Variants in RFPL1 observed in about 807,000 individuals in gnomAD.
RFPL1 encodes the protein ret finger protein like 1, also known as ret finger protein-like 1.
In RFPL1, 6 loss-of-function variants were observed where a neutral mutation model predicts 9.6. The ratio of observed to expected loss-of-function variants is 0.62; its 90% CI spans 0.34 to 1.23. The LOEUF is 1.23. RFPL1 is among the 50% of genes most tolerant of loss of function. The pLI is 0.03. For synonymous variants in RFPL1, 145 were observed against 149.4 expected, an observed-to-expected ratio of 0.97 and a Z score of 0.22; for missense variants, 352 against 398.4, an observed-to-expected ratio of 0.88 and a Z score of 0.99.
At chr22:29,405,059 A>C in the RFPL1 span, among the ~76,000 whole-genome samples, 4 of 152,232 alleles carry the variant, frequency 2.6e-5, no homozygotes, top group Non-Finnish European at 5.9e-5. Context: ...CTGAAAAATG[A>C]AGTTAAATGC....
the RFPL1 span, among the ~76,000 whole-genome samples, chr22:29,408,003 A>C: frequency 6.6e-6 from 1 of 152,246 alleles, no homozygotes; most frequent in African/African-American, 2.4e-5. Flanking sequence ...CATTATTGAC[A>C]CAGCATCCTG....
chr22:29,407,657 C>T, the RFPL1 span, among the ~76,000 whole-genome samples: 5 of 151,946 alleles, frequency 3.3e-5, no homozygotes, highest in Admixed American at 3.3e-4. Flanking sequence ...TAACAGTTAG[C>T]CCATTTCATC....
At chr22:29,409,084 C>A in the RFPL1 span, among the ~76,000 whole-genome samples, 1 of 151,628 alleles carries the variant, frequency 6.6e-6, no homozygotes, top group Non-Finnish European at 1.5e-5. Context: ...TTTTAAACAG[C>A]TTTATTTAGA....
chr22:29,403,185 A>T, the RFPL1 span, among the ~76,000 whole-genome samples: 53,201 of 151,520 alleles, frequency 0.35, 11,020 homozygotes, highest in East Asian at 0.56. Flanking sequence ...ATTTGTTTTT[A>T]AAAATAAATT....
chr22:29,414,074 CT>C, the RFPL1 span, among the ~76,000 whole-genome samples: 5 of 152,136 alleles, frequency 3.3e-5, no homozygotes, highest in Non-Finnish European at 5.9e-5. Context: ...GCATAAATTT[CT>C]TTTTCTAACA....
chr22:29,430,714 C>G, the RFPL1 span, among the ~76,000 whole-genome samples: 1 of 152,096 alleles, frequency 6.6e-6, no homozygotes, highest in Non-Finnish European at 1.5e-5. Flanking sequence ...TTTCTTTGAT[C>G]AAAACATGAG....
chr22:29,421,300 A>C, the RFPL1 span, among the ~76,000 whole-genome samples: 2 of 152,172 alleles, frequency 1.3e-5, no homozygotes, highest in Non-Finnish European at 2.9e-5. Context: ...AAATAAAAAA[A>C]TTAGCTCGGC....
chr22:29,425,272 C>T, the RFPL1 span, among the ~76,000 whole-genome samples: 3 of 152,188 alleles, frequency 2.0e-5, no homozygotes, highest in Admixed American at 1.3e-4. Context: ...TGGAGAACAC[C>T]CACTTCACTT....
the RFPL1 span, among the ~76,000 whole-genome samples, chr22:29,427,347 G>T: frequency 6.6e-6 from 1 of 152,218 alleles, no homozygotes; most frequent in Non-Finnish European, 1.5e-5. Flanking sequence ...AGAAAGTAGG[G>T]CCTGGTGAGA....
At chr22:29,403,383 G>A in the RFPL1 span, among the ~76,000 whole-genome samples, 6 of 152,280 alleles carry the variant, frequency 3.9e-5, no homozygotes, top group South Asian at 1.2e-3. Context: ...CATTGACAAA[G>A]AATATGGACT....
the RFPL1 span, among the ~76,000 whole-genome samples, chr22:29,425,748 C>G: frequency 3.3e-5 from 5 of 152,080 alleles, no homozygotes; most frequent in Non-Finnish European, 2.9e-5. Flanking sequence ...GGGTGGATCA[C>G]CTGAGATGGT....
chr22:29,412,374 T>C, the RFPL1 span, among the ~76,000 whole-genome samples: 1 of 152,128 alleles, frequency 6.6e-6, no homozygotes, highest in Admixed American at 6.6e-5. Flanking sequence ...CCCCAGTTCT[T>C]GGCCAGGGCA....
chr22:29,427,862 G>A, the RFPL1 span, among the ~76,000 whole-genome samples: 1 of 152,156 alleles, frequency 6.6e-6, no homozygotes, highest in East Asian at 1.9e-4. Context: ...GCAGGTACTT[G>A]CCATGAATCC....
chr22:29,395,661 C>T, the RFPL1 span, among the ~76,000 whole-genome samples: 506 of 152,278 alleles, frequency 3.3e-3, 3 homozygotes, highest in African/African-American at 0.011. Flanking sequence ...AACTACCCTC[C>T]GCCGATGCAT....
At chr22:29,399,435 A>G in the RFPL1 span, among the ~76,000 whole-genome samples, 1 of 152,334 alleles carries the variant, frequency 6.6e-6, no homozygotes, top group African/African-American at 2.4e-5. Context: ...TCAAGTCCAT[A>G]AGAATCATCC....
the RFPL1 span, among the ~76,000 whole-genome samples, chr22:29,421,761 C>A: frequency 6.6e-6 from 1 of 151,130 alleles, no homozygotes; most frequent in Non-Finnish European, 1.5e-5. Context: ...CCCCATCGAT[C>A]TGGCCAGCTC....
chr22:29,429,145 T>TCCAGGCTCAAGCAATCCTCCCACC, the RFPL1 span, among the ~76,000 whole-genome samples: 2 of 152,116 alleles, frequency 1.3e-5, no homozygotes, highest in African/African-American at 4.8e-5. Context: ...AGCCTTGGAC[T>TCCAGGCTCAAGCAATCCTCCCACC]CCAGGCTCAA....
At chr22:29,394,854 T>C in the RFPL1 span, among the ~76,000 whole-genome samples, 1 of 152,206 alleles carries the variant, frequency 6.6e-6, no homozygotes, top group Middle Eastern at 3.2e-3. Context: ...GCAATGGGCC[T>C]AGCGGAGAGT....
chr22:29,422,830 C>CAG, the RFPL1 span, among the ~76,000 whole-genome samples: 1 of 115,964 alleles, frequency 8.6e-6, no homozygotes, highest in East Asian at 3.1e-4. Flanking sequence ...CACACACTCT[C>CAG]TCTCTGCTGT....
Sources: gnomAD v4.1 joint callset for allele counts (sites outside exome capture counted in the v4.1 genomes callset) on GRCh38, gnomAD v4.1.1 for gene constraint, MANE v1.5 for transcripts, NCBI Gene and HGNC (gene_info 2026-07-23, HGNC 2026-07-21) for gene names.